NCAPG2: variants seen among roughly 807,000 people sequenced by gnomAD.
NCAPG2 encodes condensin-2 complex subunit G2.
In NCAPG2, 53 loss-of-function variants were observed where a neutral mutation model predicts 141.1. The observed-to-expected ratio is 0.38, with a 90% confidence interval of 0.30 to 0.47. The LOEUF is 0.47. Among genes scored for constraint, NCAPG2 ranks in the 20% least tolerant of loss-of-function variants. The probability of loss-of-function intolerance (pLI) is 0.99; values close to 1 mark genes in which losing one functional copy is unlikely to be tolerated. For missense variants in NCAPG2, 1,087 were observed against 1,389.0 expected (o/e 0.78, Z 3.46); for synonymous variants, 499 against 490.7 (o/e 1.02, Z -0.22).
At chr7:158,673,125 C>G (rs1188930804) in intron 12 of NCAPG2, among the ~76,000 whole-genome samples, 1 of 152,072 alleles carries the variant, frequency 6.6e-6, no homozygotes, top group Non-Finnish European at 1.5e-5. Context: ...ACCTCAGACA[C>G]CAGGAAGGGA....
At chr7:158,691,186 C>T (rs1835097469) in intron 4 of NCAPG2, among the ~76,000 whole-genome samples, 1 of 152,182 alleles carries the variant, frequency 6.6e-6, no homozygotes, top group South Asian at 2.1e-4. Flanking sequence ...ATAATGAATA[C>T]AAAAACTGCA....
intron 17 of NCAPG2, among the ~76,000 whole-genome samples, chr7:158,657,797 G>A (rs1009363504): frequency 8.5e-5 from 13 of 152,152 alleles, no homozygotes; most frequent in Non-Finnish European, 1.8e-4. Flanking sequence ...TTTTCATTTT[G>A]TCCTGTACTA....
chr7:158,702,364 C>T (rs1048599755), intron 1 of NCAPG2: 5 of 157,208 alleles, frequency 3.2e-5, no homozygotes, highest in African/African-American at 1.2e-4. Flanking sequence ...TCAAAAAAAT[C>T]CCACTGTTAG....
chr7:158,642,448 G>A (rs1322477897), intron 27 of NCAPG2, among the ~76,000 whole-genome samples: 1 of 152,052 alleles, frequency 6.6e-6, no homozygotes, highest in Non-Finnish European at 1.5e-5. Context: ...TTAGATGGGA[G>A]AATCGCTGGA....
At chr7:158,680,307 TAAG>T (rs1396304566) in intron 10 of NCAPG2, among the ~76,000 whole-genome samples, 3 of 152,194 alleles carry the variant, frequency 2.0e-5, no homozygotes, top group Non-Finnish European at 4.4e-5. Flanking sequence ...TTCATGTCAC[TAAG>T]AAGTGGTCAC....
rs779830304 is a variant in NCAPG2, at chr7:158,652,264, C to A, written c.2934+29G>T. On this transcript the variant is annotated intron_variant, in intron 23 of 27. Transcript: ENST00000356309. ...AGCCAGCCCTGAAAAGCCCATCTAGCGAACCCCGTCCTGGGGAGTTCTGAG... is the reference window on the plus strand; with the variant it reads ...AGCCAGCCCTGAAAAGCCCATCTAGAGAACCCCGTCCTGGGGAGTTCTGAG... 10 of 1,600,586 alleles carry A rather than the reference C, an allele frequency of 6.2e-6. No homozygotes were observed. In the South Asian group the frequency reaches 1.1e-4, roughly 18 times the overall value.
At chr7:158,686,504 T>G (rs902447141) in intron 7 of NCAPG2, among the ~76,000 whole-genome samples, 1 of 152,214 alleles carries the variant, frequency 6.6e-6, no homozygotes, top group African/African-American at 2.4e-5. Flanking sequence ...TCTGTGAAAC[T>G]ATGAGTGCAT....
intron 1 of NCAPG2, among the ~76,000 whole-genome samples, chr7:158,702,839 T>G (rs1835896102): frequency 1.3e-5 from 2 of 152,150 alleles, no homozygotes; most frequent in Admixed American, 1.3e-4. Flanking sequence ...AAGTTAACAG[T>G]GAAGTCTGGT....
chr7:158,693,494 C>G lies in NCAPG2; in HGVS notation c.82G>C (p.Glu28Gln), dbSNP rs1462429755. 1 of 1,605,682 alleles carries G rather than the reference C, an allele frequency of 6.2e-7. No individual in the cohort carries two copies. Among genetic ancestry groups the G allele is most frequent in the South Asian group, 1.1e-5 (1 of 89,852 alleles). Residue 28 changes from glutamate (E) to glutamine (Q), a missense_variant, in exon 3 of 28, where the codon GAG becomes CAG. Physicochemically the swap from Glu to Gln is conservative, Grantham distance 29. Transcript: ENST00000356309. ...EFLQFVQLDK[E>Q]ASDPFSLNEL... ...TTTAGGCTGAAAGGATCAGAGGCCT[C>G]TTTCTGTAACATAAATAGCAAGTGT... is the stretch of plus-strand genomic sequence containing the variant.
chr7:158,683,825 T>C (rs1834589387), intron 8 of NCAPG2, among the ~76,000 whole-genome samples: 1 of 152,212 alleles, frequency 6.6e-6, no homozygotes, highest in African/African-American at 2.4e-5. Flanking sequence ...GCGGAAACTG[T>C]AAATAAGATA....
intron 27 of NCAPG2, chr7:158,640,556 ATAAAG>A (rs1308983229): frequency 1.3e-5 from 2 of 152,234 alleles, no homozygotes; most frequent in South Asian, 2.1e-4. Context: ...AATAAATTAA[ATAAAG>A]TACAGAGAGA....
chr7:158,686,946 G>A (rs1248644665), intron 7 of NCAPG2, among the ~76,000 whole-genome samples: 1 of 152,148 alleles, frequency 6.6e-6, no homozygotes, highest in African/African-American at 2.4e-5. Context: ...ATCACGCAGG[G>A]AGTGGCAGAG....
At position 158,692,889 on chromosome 7, in the gene NCAPG2, T is replaced by G. The variant is rs1373707908; in HGVS notation, c.335A>C (p.Glu112Ala). The change falls in exon 4 of 28, where the codon GAA (glutamate) becomes GCA (alanine). Residue 112 changes from glutamate (E) to alanine (A), a missense_variant. Glu to Ala is a moderately radical substitution (Grantham distance 107, BLOSUM62 -1). Transcript: ENST00000356309. ...VILASVSVIN[E>A]SENYEALLEC... ...CAGTAGGGCTTCGTAGTTCTCACTT[T>G]CATTTATTACAGACACAGAAGCAAG... The G allele has an allele frequency of 3.1e-6, 5 of 1,594,222 alleles. No homozygotes were observed. In the Admixed American group the frequency reaches 5.2e-5, roughly 16 times the overall value.
chr7:158,655,576 G>A (rs1831853316), intron 19 of NCAPG2, 121 bp from the exon 20 acceptor site: 2 of 561,516 alleles, frequency 3.6e-6, no homozygotes, highest in Non-Finnish European at 5.7e-6. Flanking sequence ...CCGCTCTGGT[G>A]AAGCCCAGTG....
chr7:158,689,846 T>C lies in NCAPG2; in HGVS notation c.645A>G (p.Ile215Met), dbSNP rs775571563. 2.5e-6 allele frequency: 4 copies of C among 1,589,876 alleles called. No homozygotes were observed. In the Admixed American group the frequency reaches 7.0e-5, roughly 28 times the overall value. ...EIKDMLLECFININYIKKEEG... is the reference protein window; with the variant it reads ...EIKDMLLECFMNINYIKKEEG... ...CTTCTTTCTTGATATAATTAATATT[T>C]ATGAAGCACTCAAGTAACATATCTT... Residue 215 changes from isoleucine (I) to methionine (M), a missense_variant, in exon 6 of 28, where the codon ATA (isoleucine) becomes ATG (methionine). By Grantham distance (10) the Ile-to-Met change is conservative. Transcript: ENST00000356309.
chr7:158,662,967 T>C (rs1168138589), intron 15 of NCAPG2, among the ~76,000 whole-genome samples: 1 of 152,218 alleles, frequency 6.6e-6, no homozygotes, highest in Non-Finnish European at 1.5e-5. Context: ...TTCCTGAACA[T>C]ATGCTGATAG....
intron 22 of NCAPG2, among the ~76,000 whole-genome samples, chr7:158,653,387 A>AAATAAT (rs1554553517): frequency 0.021 from 3,051 of 146,108 alleles, 97 homozygotes; most frequent in Admixed American, 0.034. Context: ...ATAAAAAAAA[A>AAATAAT]AATAATAATA....
At chr7:158,694,340 T>C (rs1412096495) in intron 2 of NCAPG2, among the ~76,000 whole-genome samples, 1 of 152,234 alleles carries the variant, frequency 6.6e-6, no homozygotes, top group Non-Finnish European at 1.5e-5. Context: ...ATCACTGTTT[T>C]ATAGCCATCA....
chr7:158,633,357 G>A lies in NCAPG2; in HGVS notation c.3381-1640C>T, dbSNP rs1289209594. ...CACTTGAGCTCTAGACTGTCCTTTCGGGGTTACAGTTGACTCTTCTTCAAA... is the reference window on the plus strand; with the variant it reads ...CACTTGAGCTCTAGACTGTCCTTTCAGGGTTACAGTTGACTCTTCTTCAAA... On this transcript the variant is annotated intron_variant, in intron 27 of 27. Transcript: ENST00000356309. This position sits in a 1 kb window ranked among gnomAD's most constrained non-coding sequence, Gnocchi z 4.1. 4.6e-5 allele frequency among the ~76,000 whole-genome samples: 7 copies of A among 152,228 alleles called. No homozygotes were observed. The highest frequency in any genetic ancestry group is 4.1e-4 in the South Asian group (2 of 4,824).
Sources: gnomAD v4.1 joint callset for allele counts (sites outside exome capture counted in the v4.1 genomes callset) on GRCh38, gnomAD v4.1.1 for gene constraint, Gnocchi (gnomAD v3.1) non-coding constraint, MANE v1.5 for transcripts, NCBI Gene and HGNC (gene_info 2026-07-23, HGNC 2026-07-21) for gene names.